The following PPARGC1A variants were observed in gnomAD, a reference collection of about 807,000 sequenced individuals.
PPARGC1A encodes PPARG coactivator 1 alpha.
PPARGC1A carries 25 observed loss-of-function variants against 88.7 expected under a neutral mutation model. That is an observed-to-expected ratio of 0.28 (90% CI 0.21 to 0.39). PPARGC1A has a LOEUF of 0.39. PPARGC1A is among the 10% of genes least tolerant of loss of function. PPARGC1A has a pLI of 1.00. For missense variants in PPARGC1A, 880 were observed against 968.7 expected (o/e 0.91, Z 1.22); for synonymous variants, 363 against 355.6 (o/e 1.02, Z -0.24).
chr4:24,137,643 G>A, the PPARGC1A span, among the ~76,000 whole-genome samples: 1 of 151,968 alleles, frequency 6.6e-6, no homozygotes, highest in Non-Finnish European at 1.5e-5. Context: ...GGTCCATACT[G>A]CCCCCCACAA....
the PPARGC1A span, among the ~76,000 whole-genome samples, chr4:24,136,144 G>A: frequency 2.0e-5 from 3 of 152,150 alleles, no homozygotes; most frequent in African/African-American, 4.8e-5. Context: ...TTGGCACCTC[G>A]CATCCAGCCA....
the PPARGC1A span, among the ~76,000 whole-genome samples, chr4:24,230,959 T>A: frequency 0.73 from 105,414 of 144,318 alleles, 39,011 homozygotes; most frequent in East Asian, 0.94. Context: ...TTAAAAAAAA[T>A]AAAAAAAGAC....
chr4:24,161,710 T>A, the PPARGC1A span, among the ~76,000 whole-genome samples: 1 of 152,000 alleles, frequency 6.6e-6, no homozygotes, highest in African/African-American at 2.4e-5. Context: ...GAGGTTCCGA[T>A]GGTAAATTCA....
chr4:23,834,704 G>T (rs1210571677), intron 2 of PPARGC1A, among the ~76,000 whole-genome samples: 5 of 152,186 alleles, frequency 3.3e-5, no homozygotes, highest in South Asian at 2.1e-4. Context: ...AAAGGACCCT[G>T]TATATGTAAT....
chr4:24,354,176 G>A, the PPARGC1A span, among the ~76,000 whole-genome samples: 1 of 152,060 alleles, frequency 6.6e-6, no homozygotes, highest in Admixed American at 6.6e-5. Flanking sequence ...TGCTTCTCAT[G>A]CTGCCCTCTC....
the PPARGC1A span, among the ~76,000 whole-genome samples, chr4:24,093,913 C>T: frequency 6.6e-6 from 1 of 152,142 alleles, no homozygotes; most frequent in East Asian, 1.9e-4. Flanking sequence ...TTATTGTCCA[C>T]CAGTATCTAG....
At chr4:24,390,339 G>A in the PPARGC1A span, among the ~76,000 whole-genome samples, 1 of 151,584 alleles carries the variant, frequency 6.6e-6, no homozygotes, top group Admixed American at 6.6e-5. Context: ...ATAAATCCTG[G>A]CCCCTTTTAT....
chr4:23,910,471 C>T, the PPARGC1A span, among the ~76,000 whole-genome samples: 11 of 134,728 alleles, frequency 8.2e-5, no homozygotes, highest in African/African-American at 3.1e-4. Flanking sequence ...CACAGAGTCT[C>T]GCTCTGTCAC....
At chr4:24,299,338 A>T in the PPARGC1A span, among the ~76,000 whole-genome samples, 495 of 151,686 alleles carry the variant, frequency 3.3e-3, 5 homozygotes, top group African/African-American at 0.012. Flanking sequence ...GGTTTAATAA[A>T]ATATATATAT....
At chr4:24,403,218 C>T in the PPARGC1A span, among the ~76,000 whole-genome samples, 3 of 152,156 alleles carry the variant, frequency 2.0e-5, no homozygotes, top group African/African-American at 7.2e-5. Context: ...CCACGGCTAT[C>T]ATGAAGATGA....
At chr4:24,031,169 A>G in the PPARGC1A span, among the ~76,000 whole-genome samples, 8 of 152,218 alleles carry the variant, frequency 5.3e-5, no homozygotes, top group Non-Finnish European at 1.2e-4. Context: ...CAGATGCTCC[A>G]TAAGTGGTGA....
the PPARGC1A span, among the ~76,000 whole-genome samples, chr4:24,093,761 CAT>C: frequency 6.6e-6 from 1 of 152,228 alleles, no homozygotes; most frequent in African/African-American, 2.4e-5. Context: ...TGGTTCGAAG[CAT>C]AGTCTTTGAA....
upstream of PPARGC1A, among the ~76,000 whole-genome samples, chr4:23,901,642 C>T (rs115947977): frequency 6.6e-6 from 1 of 151,774 alleles, no homozygotes; most frequent in Non-Finnish European, 1.5e-5. Context: ...ATGAGAGGAA[C>T]CACAAAGTAT....
At chr4:24,083,378 A>G in the PPARGC1A span, among the ~76,000 whole-genome samples, 1 of 152,160 alleles carries the variant, frequency 6.6e-6, no homozygotes. Flanking sequence ...ATCTGATGCC[A>G]CCCAGATGGA....
At chr4:24,098,556 A>T in the PPARGC1A span, among the ~76,000 whole-genome samples, 1 of 152,352 alleles carries the variant, frequency 6.6e-6, no homozygotes, top group Admixed American at 6.5e-5. Flanking sequence ...AAAGACCCAA[A>T]TATTCAAACC....
At chr4:23,902,255 A>T (rs1366132792), upstream of PPARGC1A, among the ~76,000 whole-genome samples, 1 of 152,178 alleles carries the variant, frequency 6.6e-6, no homozygotes, top group Non-Finnish European at 1.5e-5. Context: ...CAAAACTTTA[A>T]AGTTTTGCAT....
At chr4:23,853,783 C>T (rs1729728163) in intron 2 of PPARGC1A, among the ~76,000 whole-genome samples, 1 of 152,180 alleles carries the variant, frequency 6.6e-6, no homozygotes, top group African/African-American at 2.4e-5. Flanking sequence ...CTTCCACATG[C>T]AAGTCAGCAT....
chr4:24,310,112 T>C, the PPARGC1A span, among the ~76,000 whole-genome samples: 13 of 152,194 alleles, frequency 8.5e-5, no homozygotes, highest in African/African-American at 2.9e-4. Context: ...AGGCATCCTG[T>C]GTTCAAGATG....
chr4:24,015,043 G>A, the PPARGC1A span, among the ~76,000 whole-genome samples: 1 of 152,136 alleles, frequency 6.6e-6, no homozygotes, highest in African/African-American at 2.4e-5. Flanking sequence ...AGCACAGAAG[G>A]AAACAAGGAA....
Sources: gnomAD v4.1 joint callset for allele counts (sites outside exome capture counted in the v4.1 genomes callset) on GRCh38, gnomAD v4.1.1 for gene constraint, MANE v1.5 for transcripts, NCBI Gene and HGNC (gene_info 2026-07-23, HGNC 2026-07-21) for gene names.